EVC2: variants seen among roughly 807,000 people sequenced by gnomAD.
EVC2 encodes limbin.
EVC2 carries 148 observed loss-of-function variants against 149.3 expected under a neutral mutation model. That is an observed-to-expected ratio of 0.99 (90% CI 0.87 to 1.14). The LOEUF (loss-of-function observed/expected upper bound fraction) is 1.14. Ranked by LOEUF, EVC2 falls within the 50% of genes most tolerant of loss-of-function variation. The pLI is 0.00. For synonymous variants in EVC2, 776 were observed against 649.9 expected, an observed-to-expected ratio of 1.19 and a Z score of -2.95; for missense variants, 1,854 against 1,627.3, an observed-to-expected ratio of 1.14 and a Z score of -2.40.
intron 9 of EVC2, among the ~76,000 whole-genome samples, chr4:5,650,972 T>C (rs1269239470): frequency 6.6e-6 from 1 of 152,080 alleles, no homozygotes; most frequent in Non-Finnish European, 1.5e-5. Context: ...TCTTTCTTGA[T>C]ATCATTTTTT....
intron 19 of EVC2, among the ~76,000 whole-genome samples, chr4:5,571,977 T>C (rs564778263): frequency 6.6e-6 from 1 of 152,338 alleles, no homozygotes; most frequent in East Asian, 1.9e-4. Flanking sequence ...AACTCCTTCC[T>C]GAGTCTCCAG....
At chr4:5,572,418 T>C (rs911898302) in intron 19 of EVC2, among the ~76,000 whole-genome samples, 4 of 152,108 alleles carry the variant, frequency 2.6e-5, no homozygotes, top group Non-Finnish European at 4.4e-5. Context: ...ATGGGATTAG[T>C]GTCTTATAAA....
At chr4:5,683,660 C>T (rs951525730) in intron 6 of EVC2, among the ~76,000 whole-genome samples, 5 of 152,042 alleles carry the variant, frequency 3.3e-5, no homozygotes, top group East Asian at 1.9e-4. Context: ...AAGTAACAGG[C>T]GGGACTATTT....
rs115587647 is a variant in EVC2 at position 5,585,110 on chromosome 4, T to C, written c.2830-260A>G. Among the ~76,000 whole-genome samples the C allele has an allele frequency of 5.6e-3, 849 of 152,242 alleles. 5 individuals carry two copies. The highest frequency in any genetic ancestry group is 0.019 in the African/African-American group (784 of 41,554). The stretch of plus-strand genomic sequence containing the variant: ...CAAGAGTCACCTGAGCCCATTGCTC[T>C]CCTTCTGAAAACACTTCTAAGTCTC... On this transcript the variant is annotated intron_variant, in intron 16 of 21. Coordinates refer to ENST00000344408, the MANE Select transcript of EVC2 (RefSeq NM_147127.5).
In EVC2 at chr4:5,568,509, C is replaced by G; in HGVS notation, c.3492G>C (p.Glu1164Asp). 1 of 1,589,452 alleles carries G rather than the reference C, an allele frequency of 6.3e-7. No individual in the cohort carries two copies. The highest frequency in any genetic ancestry group is 8.5e-7 in the Non-Finnish European group (1 of 1,174,244). Residue 1164 changes from glutamate (E) to aspartate (D), a missense_variant, in exon 20 of 22, where the codon GAG becomes GAC. Transcript: ENST00000344408. The stretch of plus-strand genomic sequence containing the variant: ...TCTCAGCTGCGTGGTCCACATGTCT[C>G]TCGGTGGCCGAATCCAGCAGGGCCA... ...QLLALLDSATERHVDHAAESD... is the reference protein window; with the variant it reads ...QLLALLDSATDRHVDHAAESD...
At chr4:5,587,836 T>A (rs1276465001) in intron 16 of EVC2, among the ~76,000 whole-genome samples, 1 of 152,184 alleles carries the variant, frequency 6.6e-6, no homozygotes, top group Non-Finnish European at 1.5e-5. Context: ...ATCTTCACAG[T>A]GCCTTTTTTA....
intron 15 of EVC2, among the ~76,000 whole-genome samples, chr4:5,616,145 T>C (rs1452328020): frequency 6.6e-6 from 1 of 151,804 alleles, no homozygotes. Context: ...CTTGGGAGGA[T>C]TTACACCATG....
Position 5,685,995 on chromosome 4 carries a change from C to T in EVC2, c.707-516G>A, listed in dbSNP as rs115219984. On this transcript the variant is annotated intron_variant, in intron 5 of 21. Transcript: ENST00000344408. ...ACAGAGTTTACTTATAGCCCTAAAA[C>T]GCCACAATATGCCTCATTTCTCAAT... is the stretch of plus-strand genomic sequence containing the variant. 3.9e-3 allele frequency among the ~76,000 whole-genome samples: 596 copies of T among 152,104 alleles called. 8 individuals are homozygous for T. The highest frequency in any genetic ancestry group is 0.013 in the African/African-American group (558 of 41,480).
intron 7 of EVC2, among the ~76,000 whole-genome samples, chr4:5,681,055 T>C (rs1234701702): frequency 1.3e-5 from 2 of 152,198 alleles, no homozygotes; most frequent in Admixed American, 6.5e-5. Flanking sequence ...ACCTGCCTTG[T>C]CCAGGTGGAG....
intron 6 of EVC2, among the ~76,000 whole-genome samples, chr4:5,685,027 T>C (rs1049779263): frequency 2.6e-5 from 4 of 152,372 alleles, no homozygotes; most frequent in African/African-American, 4.8e-5. Flanking sequence ...TACTTTGTTA[T>C]GGTAGCCCTG....
In EVC2 at chr4:5,686,095, TAC is replaced by T. The variant is rs67802779; in HGVS notation, c.707-618_707-617del. 7.3e-3 allele frequency among the ~76,000 whole-genome samples: 97 copies of T among 13,210 alleles called. No individual in the cohort carries two copies. Among genetic ancestry groups the T allele is most frequent in the Admixed American group, 0.032 (42 of 1,294 alleles). 8.7% of individuals were successfully genotyped at this position (13,210 alleles called of 152,430 possible). A position where few individuals can be genotyped will look rare whatever the true frequency, so the allele number is the denominator to read the frequency against. On this transcript the variant is annotated intron_variant, in intron 5 of 21. Coordinates refer to ENST00000344408, the MANE Select transcript of EVC2 (RefSeq NM_147127.5). The surrounding 1 kb of genome is among the most constrained non-coding windows in gnomAD (Gnocchi z 5.4). ...AACATATATACACACACATATATAT[TAC>T]ACACACACACACACACACACACACA...
Position 5,691,423 on chromosome 4 carries a change from G to C in EVC2, c.451-90C>G, listed in dbSNP as rs1721113511. 3.7e-6 allele frequency: 4 copies of C among 1,090,026 alleles called. No individual in the cohort carries two copies. The Admixed American group carries it at 7.9e-5, about 22-fold the overall frequency. 67.5% of individuals were successfully genotyped at this position (1,090,026 alleles called of 1,614,324 possible). On this transcript the variant is annotated intron_variant, in intron 3 of 21. Coordinates refer to ENST00000344408, the MANE Select transcript of EVC2 (RefSeq NM_147127.5). ...AGTACAAGATAATGAAATTTTTACA[G>C]AGGGTAGAAAGATTACTGCTACTAA...
At chr4:5,707,581 A>G (rs1382758123) in intron 1 of EVC2, among the ~76,000 whole-genome samples, 1 of 152,128 alleles carries the variant, frequency 6.6e-6, no homozygotes, top group African/African-American at 2.4e-5. Context: ...GAGACGTGGG[A>G]AAACCATCAC....
chr4:5,571,179 G>T (rs1025002631), intron 19 of EVC2, among the ~76,000 whole-genome samples: 1 of 151,910 alleles, frequency 6.6e-6, no homozygotes, highest in African/African-American at 2.4e-5. Flanking sequence ...TTAGCCGGGC[G>T]TGGTGGCGTG....
At chr4:5,536,524 C>T in the EVC2 span, among the ~76,000 whole-genome samples, 1 of 152,122 alleles carries the variant, frequency 6.6e-6, no homozygotes, top group Non-Finnish European at 1.5e-5. Context: ...GTGGCTCACA[C>T]CTGTAATCCT....
the EVC2 span, among the ~76,000 whole-genome samples, chr4:5,532,759 C>T: frequency 1.1e-4 from 17 of 152,044 alleles, no homozygotes; most frequent in East Asian, 7.8e-4. Context: ...GCACAGCCCT[C>T]GAGATGCTCA....
At position 5,595,804 on chromosome 4, in the gene EVC2, G is replaced by C. The variant is rs555857208; in HGVS notation, c.2830-10954C>G. Among the ~76,000 whole-genome samples, 14 of 152,290 alleles carry C rather than the reference G, an allele frequency of 9.2e-5. No homozygotes were observed. In the South Asian group the frequency reaches 1.4e-3, roughly 16 times the overall value. Reference sequence around the variant, plus strand: ...GGATAAAGAGTCAAGACCCATCTGTGTGCTGTATTCAGGAAACCCATCTCA... The same window carrying C: ...GGATAAAGAGTCAAGACCCATCTGTCTGCTGTATTCAGGAAACCCATCTCA... On this transcript the variant is annotated intron_variant, in intron 16 of 21. Transcript: ENST00000344408.
At chr4:5,672,211 G>A (rs1719691822) in intron 7 of EVC2, among the ~76,000 whole-genome samples, 1 of 152,186 alleles carries the variant, frequency 6.6e-6, no homozygotes, top group South Asian at 2.1e-4. Flanking sequence ...CCAGTGGGCA[G>A]AGGAGAACGA....
chr4:5,607,699 G>C lies in EVC2; in HGVS notation c.2829+7723C>G, dbSNP rs370025784. ...GAATTAGTTGCACAGCCACTCATTC[G>C]AGGTAGAGTTACAGAGTAGTCAGGT... On this transcript the variant is annotated intron_variant, in intron 16 of 21. Transcript: ENST00000344408. Among the ~76,000 whole-genome samples, 5 of 152,222 alleles carry C rather than the reference G, an allele frequency of 3.3e-5. 1 individual carries two copies. In the South Asian group the frequency reaches 6.2e-4, roughly 19 times the overall value.
Sources: gnomAD v4.1 joint callset for allele counts (sites outside exome capture counted in the v4.1 genomes callset) on GRCh38, gnomAD v4.1.1 for gene constraint, Gnocchi (gnomAD v3.1) non-coding constraint, MANE v1.5 for transcripts, NCBI Gene and HGNC (gene_info 2026-07-23, HGNC 2026-07-21) for gene names.